ANO2: variants seen among roughly 807,000 people sequenced by gnomAD.
The protein encoded by ANO2 is anoctamin-2.
A neutral mutation model predicts 124.2 loss-of-function variants in ANO2; 101 were observed. The ratio of observed to expected loss-of-function variants is 0.81; its 90% CI spans 0.69 to 0.96. ANO2 has a LOEUF of 0.96. Ranked by LOEUF, ANO2 falls within the 40% of genes least tolerant of loss-of-function variation. The pLI, the probability that ANO2 is intolerant of heterozygous loss-of-function variation, is 0.00. For synonymous variants in ANO2, 486 were observed against 482.5 expected, an observed-to-expected ratio of 1.01 and a Z score of -0.09; for missense variants, 1,293 against 1,274.5, an observed-to-expected ratio of 1.01 and a Z score of -0.22.
rs1948213762 is a variant in ANO2 at position 5,675,762 on chromosome 12, GT to G, written c.1546-27962del. On this transcript the variant is annotated intron_variant, in intron 14 of 24. Coordinates refer to ENST00000682330, the MANE Select transcript of ANO2 (RefSeq NM_001364791.2). Reference sequence around the variant, plus strand: ...AGGAATGTTCTCCTTCTGGGATTCAGTTTTTTCATCTGTAAAATAAAGATCT... The same window carrying G: ...AGGAATGTTCTCCTTCTGGGATTCAGTTTTTCATCTGTAAAATAAAGATCT... Among the ~76,000 whole-genome samples, 3 of 152,176 alleles carry G rather than the reference GT, an allele frequency of 2.0e-5. No individual in the cohort carries two copies. In the South Asian group the frequency reaches 6.2e-4, roughly 32 times the overall value.
chr12:5,793,380 C>T (rs933787311), intron 10 of ANO2, among the ~76,000 whole-genome samples: 8 of 152,204 alleles, frequency 5.3e-5, no homozygotes, highest in African/African-American at 1.9e-4. Context: ...AGCTATCCAA[C>T]TGTCTGGCCT....
rs114819138 is a variant in ANO2 at position 5,730,323 on chromosome 12, C to G, written c.1545+2197G>C. Among the ~76,000 whole-genome samples, 552 of 152,254 alleles carry G rather than the reference C, an allele frequency of 3.6e-3. 7 individuals are homozygous for G. The highest frequency in any genetic ancestry group is 0.013 in the African/African-American group (528 of 41,548). On this transcript the variant is annotated intron_variant, in intron 14 of 24. Coordinates refer to ENST00000682330, the MANE Select transcript of ANO2 (RefSeq NM_001364791.2). ...AAAAGGAAAAAGAAAAGCAAACAGGCCTTGGGGATCAGGCAGAGCTGGGTT... is the reference window on the plus strand; with the variant it reads ...AAAAGGAAAAAGAAAAGCAAACAGGGCTTGGGGATCAGGCAGAGCTGGGTT...
intron 10 of ANO2, among the ~76,000 whole-genome samples, chr12:5,788,917 T>C (rs7960280): frequency 0.048 from 7,254 of 152,300 alleles, 540 homozygotes; most frequent in African/African-American, 0.16. Context: ...CCCACCTGGA[T>C]GCTGAGAGGT....
intron 11 of ANO2, among the ~76,000 whole-genome samples, 161 bp from the exon 12 acceptor site, chr12:5,744,478 G>C (rs1304368051): frequency 1.3e-5 from 2 of 152,192 alleles, no homozygotes; most frequent in African/African-American, 4.8e-5. Flanking sequence ...TCTTCACCTG[G>C]AGAGTGTTAC....
intron 16 of ANO2, among the ~76,000 whole-genome samples, chr12:5,630,882 G>A (rs140724092): frequency 2.0e-5 from 3 of 152,138 alleles, no homozygotes; most frequent in African/African-American, 2.4e-5. Context: ...TAATTAGGCC[G>A]ATTCTAGCCA....
intron 19 of ANO2, among the ~76,000 whole-genome samples, chr12:5,612,236 T>G (rs1243364797): frequency 2.0e-5 from 3 of 152,192 alleles, no homozygotes; most frequent in African/African-American, 7.2e-5. Flanking sequence ...CACCCTCCCC[T>G]CCTAAGATTA....
chr12:5,651,419 T>C (rs1406891188), intron 14 of ANO2, among the ~76,000 whole-genome samples: 2 of 125,132 alleles, frequency 1.6e-5, no homozygotes, highest in African/African-American at 5.0e-5. Context: ...TTCTTTTTTT[T>C]TTCTCTTTTT....
At chr12:5,875,799 A>G (rs1001328687) in intron 3 of ANO2, among the ~76,000 whole-genome samples, 1 of 151,852 alleles carries the variant, frequency 6.6e-6, no homozygotes, top group Non-Finnish European at 1.5e-5. Context: ...CTAGAAAAAG[A>G]TGATAAGTCC....
In ANO2 at chr12:5,916,208, T is replaced by C. The variant is rs566613875; in HGVS notation, c.534+4832A>G. Among the ~76,000 whole-genome samples the C allele has an allele frequency of 8.1e-5, 12 of 149,042 alleles. 1 individual carries two copies. Among genetic ancestry groups the C allele is most frequent in the African/African-American group, 2.7e-4 (11 of 40,558 alleles). On this transcript the variant is annotated intron_variant, in intron 3 of 24. Transcript: ENST00000682330. Reference sequence around the variant, plus strand: ...AGGAGGATCACCGGCACCTGGGGAGTTGAGCCTGCAGTGAGCTGAAATCAC... The same window carrying C: ...AGGAGGATCACCGGCACCTGGGGAGCTGAGCCTGCAGTGAGCTGAAATCAC...
intron 3 of ANO2, among the ~76,000 whole-genome samples, chr12:5,880,833 T>C (rs1938436227): frequency 2.1e-5 from 1 of 48,114 alleles, no homozygotes. Context: ...GATGGATGGA[T>C]AGATGGGTGG....
intron 14 of ANO2, among the ~76,000 whole-genome samples, chr12:5,684,511 G>A (rs1221731927): frequency 6.6e-6 from 1 of 152,164 alleles, no homozygotes; most frequent in Admixed American, 6.5e-5. Context: ...GGCTGAAAGT[G>A]AGTGGCTGTC....
chr12:5,734,943 C>A (rs1471195380), intron 13 of ANO2, among the ~76,000 whole-genome samples: 1 of 152,228 alleles, frequency 6.6e-6, no homozygotes, highest in East Asian at 1.9e-4. Flanking sequence ...AACCACTGCA[C>A]CCGGCCATAA....
At chr12:5,647,669 C>G (rs1946712863) in intron 15 of ANO2, 58 bp downstream of exon 15, 2 of 1,292,558 alleles carry the variant, frequency 1.5e-6, no homozygotes, top group Non-Finnish European at 2.2e-6. Flanking sequence ...CCACAGTAGT[C>G]ACATAACAGC....
chr12:5,906,522 C>T (rs895353390), intron 3 of ANO2, among the ~76,000 whole-genome samples: 2 of 152,140 alleles, frequency 1.3e-5, no homozygotes, highest in African/African-American at 2.4e-5. Flanking sequence ...AAAGGCCAGG[C>T]GCAGTGGCTC....
chr12:5,717,620 C>T (rs774459254), intron 14 of ANO2, among the ~76,000 whole-genome samples: 2 of 152,206 alleles, frequency 1.3e-5, no homozygotes, highest in Non-Finnish European at 1.5e-5. Context: ...CCAGAGTTAG[C>T]ACCTCCACTG....
chr12:5,926,114 C>T (rs1942066280), intron 1 of ANO2, among the ~76,000 whole-genome samples: 1 of 152,264 alleles, frequency 6.6e-6, no homozygotes, highest in South Asian at 2.1e-4. Context: ...TGCAAATGCT[C>T]CACCAAACAG....
Position 5,604,190 on chromosome 12 carries a change from C to T in ANO2, c.2088-4561G>A, listed in dbSNP as rs368747014. Among the ~76,000 whole-genome samples, 568 of 152,148 alleles carry T rather than the reference C, an allele frequency of 3.7e-3. 2 individuals are homozygous for T. The highest frequency in any genetic ancestry group is 0.01 in the Middle Eastern group (3 of 294). On this transcript the variant is annotated intron_variant, in intron 19 of 24. Coordinates refer to ENST00000682330, the MANE Select transcript of ANO2 (RefSeq NM_001364791.2). ...GAAGGGAAGGACAATGAGGAATCAGCGATGATTCTCATGGTCTTAGGGCAT... is the reference window on the plus strand; with the variant it reads ...GAAGGGAAGGACAATGAGGAATCAGTGATGATTCTCATGGTCTTAGGGCAT...
chr12:5,609,697 G>A (rs185063737), intron 19 of ANO2, among the ~76,000 whole-genome samples: 2,279 of 151,632 alleles, frequency 0.015, 58 homozygotes, highest in African/African-American at 0.05. Flanking sequence ...ACAATCTTTC[G>A]ATAGATTTAG....
chr12:5,614,862 C>T (rs1363533321), intron 17 of ANO2, among the ~76,000 whole-genome samples: 1 of 152,194 alleles, frequency 6.6e-6, no homozygotes, highest in African/African-American at 2.4e-5. Flanking sequence ...AATTGCATTA[C>T]AAGATCCAGG....
Sources: allele counts gnomAD v4.1 joint callset (sites outside exome capture counted in the v4.1 genomes callset), GRCh38; gene constraint gnomAD v4.1.1; transcripts MANE v1.5; gene names NCBI Gene and HGNC (gene_info 2026-07-23, HGNC 2026-07-21).